NCMAP: variants seen among roughly 807,000 people sequenced by gnomAD.
NCMAP encodes noncompact myelin-associated protein.
Under a neutral mutation model 7.8 loss-of-function variants are expected in NCMAP, and 8 were observed. That is an observed-to-expected ratio of 1.02 (90% CI 0.60 to 1.84). The LOEUF is 1.84. Among genes scored for constraint, NCMAP ranks in the 40% most tolerant of loss-of-function variants. The pLI is 0.00. For missense variants in NCMAP, 112 were observed against 131.4 expected (o/e 0.85, Z 0.72); for synonymous variants, 41 against 52.9 (o/e 0.78, Z 0.98).
intron 2 of NCMAP, among the ~76,000 whole-genome samples, chr1:24,600,402 C>T (rs4567235): frequency 0.23 from 34,793 of 152,026 alleles, 4,098 homozygotes; most frequent in Non-Finnish European, 0.25. Flanking sequence ...GATCCTCCCA[C>T]CCCATCCTCT....
rs562554648 is a variant in NCMAP at position 24,574,190 on chromosome 1, C to T, written c.-8+18021C>T. Among the ~76,000 whole-genome samples, 39 of 149,938 alleles carry T rather than the reference C, an allele frequency of 2.6e-4. 2 individuals carry two copies. The highest frequency in any genetic ancestry group is 9.4e-4 in the African/African-American group (37 of 39,472). On this transcript the variant is annotated intron_variant, in intron 1 of 3. Transcript: ENST00000374392. ...AGGCTGGAGTGCAGTGGAATCTTGGCTCACTGCAACCTCTGCTTCCTGGGT... is the reference window on the plus strand; with the variant it reads ...AGGCTGGAGTGCAGTGGAATCTTGGTTCACTGCAACCTCTGCTTCCTGGGT...
rs759463152 is a variant in NCMAP, at chr1:24,601,031, A to G, written c.167+7A>G. ...TGCTGAAGATGTACAACAGGTACGG[A>G]TGCCCTGGGCTTTGGAACTGCCTGG... On this transcript the variant is annotated splice_region_variant and intron_variant, in intron 3 of 3. Transcript: ENST00000374392. The G allele has an allele frequency of 6.2e-7, 1 of 1,613,366 alleles. No individual in the cohort carries two copies. The highest frequency in any genetic ancestry group is 8.5e-7 in the Non-Finnish European group (1 of 1,179,504).
At chr1:24,566,561 G>C (rs1017449511) in intron 1 of NCMAP, among the ~76,000 whole-genome samples, 1 of 152,194 alleles carries the variant, frequency 6.6e-6, no homozygotes, top group African/African-American at 2.4e-5. Flanking sequence ...GTTCATGGAA[G>C]ACCTTGATTC....
In NCMAP at chr1:24,605,639, G is replaced by A. The variant is rs1269852189; in HGVS notation, c.201G>A (p.Lys67=). Residue 67 remains lysine, a synonymous_variant, in exon 4 of 4, where the codon AAG becomes AAA. Coordinates refer to ENST00000374392, the MANE Select transcript of NCMAP (RefSeq NM_001010980.5). ...GGACGAGGCGGGAACTAGAGCCCAA[G>A]GGCCCCAAGCCAACCGCCCCTTCTG... ...KMRTRRELEP[K]GPKPTAPSAV... is the part of the protein sequence containing the mutation. 6 of 1,614,100 alleles carry A rather than the reference G, an allele frequency of 3.7e-6. No individual in the cohort carries two copies. In the African/African-American group the frequency reaches 6.7e-5, roughly 18 times the overall value.
At chr1:24,595,035 G>T (rs955778320) in intron 1 of NCMAP, among the ~76,000 whole-genome samples, 4 of 68,856 alleles carry the variant, frequency 5.8e-5, no homozygotes, top group African/African-American at 1.0e-4. Context: ...ACTGGAGTGG[G>T]AGGTTGATTG....
At chr1:24,570,734 C>T (rs1319931645) in intron 1 of NCMAP, among the ~76,000 whole-genome samples, 1 of 150,930 alleles carries the variant, frequency 6.6e-6, no homozygotes, top group Non-Finnish European at 1.5e-5. Context: ...GTGTTAGTGT[C>T]TCATCTGCCT....
intron 3 of NCMAP, among the ~76,000 whole-genome samples, chr1:24,604,599 AAAAAAAATATATATATATATATAT>A (rs1652634304): frequency 1.6e-5 from 1 of 60,880 alleles, no homozygotes; most frequent in African/African-American, 1.1e-4. Flanking sequence ...AAAAAAAAAA[AAAAAAAATATATATATATATATAT>A]ATATATATAT....
At chr1:24,592,018 C>T (rs967168244) in intron 1 of NCMAP, among the ~76,000 whole-genome samples, 2 of 152,120 alleles carry the variant, frequency 1.3e-5, no homozygotes, top group African/African-American at 2.4e-5. Context: ...GCAGGAAAGC[C>T]GCAGCCCATA....
At chr1:24,564,768 G>A (rs1341622954) in intron 1 of NCMAP, among the ~76,000 whole-genome samples, 1 of 152,008 alleles carries the variant, frequency 6.6e-6, no homozygotes, top group Non-Finnish European at 1.5e-5. Flanking sequence ...GAAAGACCAG[G>A]AAGAAGAGCA....
At chr1:24,559,178 G>A (rs1650980811) in intron 1 of NCMAP, among the ~76,000 whole-genome samples, 1 of 152,210 alleles carries the variant, frequency 6.6e-6, no homozygotes, top group Non-Finnish European at 1.5e-5. Flanking sequence ...CAGCCCGGAA[G>A]CAGCGGCCGG....
intron 3 of NCMAP, among the ~76,000 whole-genome samples, chr1:24,602,908 C>T (rs972550119): frequency 6.6e-6 from 1 of 150,504 alleles, no homozygotes; most frequent in Non-Finnish European, 1.5e-5. Context: ...GGCATGGTGG[C>T]GGGTGCCTGT....
Position 24,604,596 on chromosome 1 carries a change from AAAAAAAAAAATATATATATATATATATAT to A in NCMAP, c.168-1008_168-980del, listed in dbSNP as rs1385687736. On this transcript the variant is annotated intron_variant, in intron 3 of 3. Transcript: ENST00000374392. ...TCTAAAAAAAAAAAAAAAAAAAAAA[AAAAAAAAAAATATATATATATATATATAT>A]ATATATATATATATATATATATATA... is the stretch of plus-strand genomic sequence containing the variant. Among the ~76,000 whole-genome samples, 55 of 65,458 alleles carry A rather than the reference AAAAAAAAAAATATATATATATATATATAT, an allele frequency of 8.4e-4. 6 individuals carry two copies. Among genetic ancestry groups the A allele is most frequent in the African/African-American group, 5.1e-3 (53 of 10,418 alleles). The allele number at this position is 65,458 out of a possible 152,430, so 42.9% of individuals were successfully genotyped here. A position where few individuals can be genotyped will look rare whatever the true frequency, so the allele number is the denominator to read the frequency against.
At chr1:24,601,059 G>T in intron 3 of NCMAP, 35 bp downstream of exon 3, 1 of 1,561,250 alleles carries the variant, frequency 6.4e-7, no homozygotes, top group East Asian at 2.2e-5. Flanking sequence ...CTGCCTGGAC[G>T]GTCCCTTCAG....
At chr1:24,590,285 C>T (rs112763479) in intron 1 of NCMAP, among the ~76,000 whole-genome samples, 10 of 152,322 alleles carry the variant, frequency 6.6e-5, no homozygotes, top group Non-Finnish European at 1.2e-4. Context: ...GTTGGTATCA[C>T]GGTGAATATG....
chr1:24,597,244 G>C (rs1229857547), intron 2 of NCMAP, among the ~76,000 whole-genome samples: 1 of 151,948 alleles, frequency 6.6e-6, no homozygotes, highest in Non-Finnish European at 1.5e-5. Context: ...AGTGGCCCAC[G>C]CCTGTAATCC....
chr1:24,561,178 C>CA (rs755072214), intron 1 of NCMAP, among the ~76,000 whole-genome samples: 45,949 of 103,710 alleles, frequency 0.44, 10,670 homozygotes, highest in Admixed American at 0.57. Context: ...ACTAAAAATA[C>CA]AAAAAAAAAA....
At chr1:24,574,086 C>T (rs368106058) in intron 1 of NCMAP, among the ~76,000 whole-genome samples, 1 of 149,854 alleles carries the variant, frequency 6.7e-6, no homozygotes, top group Non-Finnish European at 1.5e-5. Flanking sequence ...ACCCACACAG[C>T]GGCCCCCAGG....
rs766589597 is a variant in NCMAP, at chr1:24,605,730, C to G, written c.292C>G (p.Gln98Glu). 5 of 1,614,068 alleles carry G rather than the reference C, an allele frequency of 3.1e-6. No individual in the cohort carries two copies. Among genetic ancestry groups the G allele is most frequent in the Non-Finnish European group, 4.2e-6 (5 of 1,180,046 alleles). ...ATVTFSPVDV[Q>E]VETR ...TGTGACCTTCAGTCCTGTTGACGTC[C>G]AGGTGGAGACGCGATGACCTCTACC... The change falls in exon 4 of 4, where the codon CAG (glutamine) becomes GAG (glutamate). Residue 98 changes from glutamine (Q) to glutamate (E), a missense_variant. Gln to Glu is a conservative substitution (Grantham distance 29). Coordinates refer to ENST00000374392, the MANE Select transcript of NCMAP (RefSeq NM_001010980.5).
chr1:24,576,320 C>T lies in NCMAP; in HGVS notation c.-7-19104C>T, dbSNP rs542071824. 3.2e-4 allele frequency among the ~76,000 whole-genome samples: 48 copies of T among 152,284 alleles called. No homozygotes were observed. Among genetic ancestry groups the T allele is most frequent in the African/African-American group, 9.4e-4 (39 of 41,550 alleles). ...ACGAGAGTGTAGGTTTAAATGACACCGCAGGTCCCCCAGACAAACGCCCCT... is the reference window on the plus strand; with the variant it reads ...ACGAGAGTGTAGGTTTAAATGACACTGCAGGTCCCCCAGACAAACGCCCCT... On this transcript the variant is annotated intron_variant, in intron 1 of 3. Transcript: ENST00000374392. The surrounding 1 kb of genome is among the most constrained non-coding windows in gnomAD (Gnocchi z 4.0).
Sources: allele counts gnomAD v4.1 joint callset (sites outside exome capture counted in the v4.1 genomes callset), GRCh38; gene constraint gnomAD v4.1.1; non-coding constraint Gnocchi (gnomAD v3.1); transcripts MANE v1.5; gene names NCBI Gene and HGNC (gene_info 2026-07-23, HGNC 2026-07-21).